ATP2C2: variants seen among roughly 807,000 people sequenced by gnomAD.
ATP2C2 encodes ATPase secretory pathway Ca2+ transporting 2.
A neutral mutation model predicts 110.8 loss-of-function variants in ATP2C2; 171 were observed. That is an observed-to-expected ratio of 1.54 (90% CI 1.36 to 1.75). The LOEUF (loss-of-function observed/expected upper bound fraction) is 1.75. ATP2C2 is among the 40% of genes most tolerant of loss of function. The pLI is 0.00. For missense variants in ATP2C2, 1,963 were observed against 1,235.0 expected (o/e 1.59, Z -8.84); for synonymous variants, 804 against 508.4 (o/e 1.58, Z -7.82).
At chr16:84,458,619 G>A (rs960351797) in intron 21 of ATP2C2, among the ~76,000 whole-genome samples, 6 of 152,144 alleles carry the variant, frequency 3.9e-5, no homozygotes, top group Non-Finnish European at 8.8e-5. Context: ...CTACATTAGT[G>A]ACCCCAGGTC....
intron 1 of ATP2C2, among the ~76,000 whole-genome samples, chr16:84,374,252 C>G (rs955069496): frequency 2.0e-5 from 3 of 152,126 alleles, no homozygotes; most frequent in Admixed American, 6.5e-5. Context: ...CACAATTGTG[C>G]GCTGTGTGAT....
rs777812855 is a variant in ATP2C2 at position 84,405,111 on chromosome 16, C to T, written c.211-17C>T. 1 of 1,609,528 alleles carries T rather than the reference C, an allele frequency of 6.2e-7. No individual in the cohort carries two copies. The highest frequency in any genetic ancestry group is 1.7e-5 in the Admixed American group (1 of 59,980). ...GCTGCGCCCATGAGTGAGCTTGTGC[C>T]TGACCTCTCCTTCCAGGTGGACTTA... is the stretch of plus-strand genomic sequence containing the variant. On this transcript the variant is annotated splice_polypyrimidine_tract_variant and intron_variant, in intron 2 of 26. Transcript: ENST00000262429.
intron 4 of ATP2C2, among the ~76,000 whole-genome samples, chr16:84,409,912 T>A (rs1014279647): frequency 9.2e-5 from 14 of 152,150 alleles, no homozygotes; most frequent in Admixed American, 8.5e-4. Context: ...CTACTTCCAA[T>A]TAAAAGGCTG....
rs147504945 is a variant in ATP2C2, at chr16:84,391,892, C to T, written c.100-6607C>T. ...TTATGTGACTCCCGTTCCCTCCCCT[C>T]CCTTCATCTTTCCTTCCTTCCTCTT... On this transcript the variant is annotated intron_variant, in intron 1 of 26. Coordinates refer to ENST00000262429, the MANE Select transcript of ATP2C2 (RefSeq NM_014861.4). Among the ~76,000 whole-genome samples, 817 of 152,024 alleles carry T rather than the reference C, an allele frequency of 5.4e-3. 13 individuals are homozygous for T. Among genetic ancestry groups the T allele is most frequent in the African/African-American group, 0.019 (782 of 41,474 alleles).
At chr16:84,424,467 A>T (rs540359714) in intron 10 of ATP2C2, among the ~76,000 whole-genome samples, 1 of 151,734 alleles carries the variant, frequency 6.6e-6, no homozygotes, top group African/African-American at 2.4e-5. Context: ...TGGTAGAGAC[A>T]GGGTTTTGTC....
intron 2 of ATP2C2, among the ~76,000 whole-genome samples, chr16:84,399,580 A>G (rs531979259): frequency 4.6e-5 from 7 of 152,332 alleles, no homozygotes; most frequent in African/African-American, 1.7e-4. Context: ...AAGAGCTTGA[A>G]TGGAGTTGGG....
intron 14 of ATP2C2, 144 bp from the exon 15 acceptor site, chr16:84,442,366 T>C (rs1399052246): frequency 8.0e-6 from 6 of 745,888 alleles, no homozygotes; most frequent in African/African-American, 1.7e-5. Flanking sequence ...ACGATGTTTC[T>C]TTTAAAAAGC....
chr16:84,449,119 A>G (rs1910024111), intron 17 of ATP2C2, among the ~76,000 whole-genome samples: 1 of 152,226 alleles, frequency 6.6e-6, no homozygotes, highest in Non-Finnish European at 1.5e-5. Context: ...TGAACATTAA[A>G]TCTCACATTT....
In ATP2C2 at chr16:84,423,889, C is replaced by T. The variant is rs558564835; in HGVS notation, c.919+626C>T. Among the ~76,000 whole-genome samples the T allele has an allele frequency of 2.6e-5, 4 of 152,300 alleles. No individual in the cohort carries two copies. The East Asian group carries it at 7.7e-4, about 29-fold the overall frequency. ...TGACCTTTGGTAACACAACAAACAG[C>T]ATTGACATGATGCTGCGGTTCTGAA... On this transcript the variant is annotated intron_variant, in intron 10 of 26. Transcript: ENST00000262429.
chr16:84,386,892 C>A (rs957816491), intron 1 of ATP2C2, among the ~76,000 whole-genome samples: 4 of 150,422 alleles, frequency 2.7e-5, no homozygotes, highest in Non-Finnish European at 4.4e-5. Context: ...CTGTTGGCTG[C>A]ATTTAGGGTT....
chr16:84,418,853 A>C (rs751500467), intron 7 of ATP2C2, among the ~76,000 whole-genome samples: 1 of 152,138 alleles, frequency 6.6e-6, no homozygotes, highest in Non-Finnish European at 1.5e-5. Flanking sequence ...AAACAAGGTG[A>C]AGATATGGTC....
intron 2 of ATP2C2, chr16:84,404,763 G>A (rs967851166): frequency 8.4e-6 from 3 of 355,810 alleles, no homozygotes; most frequent in Non-Finnish European, 1.1e-5. Context: ...TTGAGGAATC[G>A]CCACACAGTT....
Position 84,459,387 on chromosome 16 carries a change from G to A in ATP2C2, c.2333+1G>A, listed in dbSNP as rs377248965. 2.1e-5 allele frequency: 34 copies of A among 1,613,578 alleles called. No homozygotes were observed. The South Asian group carries it at 3.4e-4, about 16-fold the overall frequency. The stretch of plus-strand genomic sequence containing the variant: ...TCATGGATGGGCCACCGGCGCAGAG[G>A]TGAGGCAGGGCCGGCTGGGAGCCCT... On this transcript the variant is annotated splice_donor_variant, in intron 23 of 26. Coordinates refer to ENST00000262429, the MANE Select transcript of ATP2C2 (RefSeq NM_014861.4). LOFTEE classifies it high-confidence loss of function.
At chr16:84,462,343 G>T in intron 26 of ATP2C2, 1 of 611,806 alleles carries the variant, frequency 1.6e-6, no homozygotes, top group Non-Finnish European at 2.7e-6. Context: ...GAAGAGGCCT[G>T]TCACTCAAGA....
chr16:84,407,099 G>T (rs975111303), intron 3 of ATP2C2: 4 of 152,182 alleles, frequency 2.6e-5, no homozygotes, highest in African/African-American at 9.7e-5. Context: ...GCGTATACGG[G>T]TTCTGTCTGC....
intron 24 of ATP2C2, 63 bp downstream of exon 24, chr16:84,460,864 C>G (rs1008013927): frequency 2.5e-5 from 38 of 1,529,340 alleles, no homozygotes; most frequent in Non-Finnish European, 3.4e-5. Context: ...CTGGGGACTG[C>G]AGTCCCTGCC....
chr16:84,432,790 G>A (rs1216639790), intron 11 of ATP2C2, among the ~76,000 whole-genome samples: 2 of 152,020 alleles, frequency 1.3e-5, no homozygotes, highest in East Asian at 1.9e-4. Flanking sequence ...CAAAGTGCTG[G>A]GATTACAGGT....
rs372976636 is a variant in ATP2C2, at chr16:84,440,866, G to A, written c.1219G>A (p.Val407Ile). The change falls in exon 14 of 27, where the codon GTT becomes ATT. Residue 407 changes from valine (V) to isoleucine (I), a missense_variant. By Grantham distance (29) the Val-to-Ile change is conservative. Transcript: ENST00000262429. ...SDGLRAEVSG[V>I]GYDGQGTVCL... is the part of the protein sequence containing the mutation. ...CTGCCTCGCCCTGCAGGTCAGCGGA[G>A]TTGGGTATGACGGTCAAGGGACTGT... The A allele has an allele frequency of 6.2e-7, 1 of 1,613,146 alleles. No individual in the cohort carries two copies. The highest frequency in any genetic ancestry group is 8.5e-7 in the Non-Finnish European group (1 of 1,179,750).
chr16:84,439,161 T>C lies in ATP2C2; in HGVS notation c.987-5T>C. On this transcript the variant is annotated splice_region_variant and splice_polypyrimidine_tract_variant and intron_variant, in intron 11 of 26. Transcript: ENST00000262429. ...AGAGGGGACTCATTTGACCTTTCGA[T>C]CCAGCCTGGCTGTGGCGGCCATTCC... 6.2e-7 allele frequency: 1 copy of C among 1,612,212 alleles called. No individual in the cohort carries two copies. Among genetic ancestry groups the C allele is most frequent in the Middle Eastern group, 2.3e-4 (1 of 4,440 alleles).
Sources: gnomAD v4.1 joint callset for allele counts (sites outside exome capture counted in the v4.1 genomes callset) on GRCh38, gnomAD v4.1.1 for gene constraint, MANE v1.5 for transcripts, NCBI Gene and HGNC (gene_info 2026-07-23, HGNC 2026-07-21) for gene names.